PTP4A1: variants seen among roughly 807,000 people sequenced by gnomAD.
The protein encoded by PTP4A1 is protein tyrosine phosphatase 4A1, also known as protein tyrosine phosphatase type IVA 1.
Under a neutral mutation model 20.5 loss-of-function variants are expected in PTP4A1, and 9 were observed. The ratio of observed to expected loss-of-function variants is 0.44; its 90% CI spans 0.26 to 0.77. The LOEUF (loss-of-function observed/expected upper bound fraction) is 0.77, where lower values mean the gene tolerates loss of function less well. Ranked by LOEUF, PTP4A1 falls within the 30% of genes least tolerant of loss-of-function variation. The probability of loss-of-function intolerance (pLI) is 0.19; values close to 1 mark genes in which losing one functional copy is unlikely to be tolerated. For missense variants in PTP4A1, 137 were observed against 218.8 expected (o/e 0.63, Z 2.36); for synonymous variants, 78 against 67.4 (o/e 1.16, Z -0.77).
chr6:63,518,129 G>C (rs1049424834), upstream of PTP4A1, among the ~76,000 whole-genome samples: 5 of 149,372 alleles, frequency 3.3e-5, no homozygotes, highest in African/African-American at 1.2e-4. Flanking sequence ...ACTCCAGCCT[G>C]GGCAACACAG....
intron 3 of PTP4A1, among the ~76,000 whole-genome samples, chr6:63,562,075 A>G (rs543932920): frequency 1.1e-4 from 16 of 152,190 alleles, no homozygotes; most frequent in African/African-American, 3.9e-4. Flanking sequence ...ACACCCATAA[A>G]GTATTTAAAT....
intron 3 of PTP4A1, among the ~76,000 whole-genome samples, chr6:63,551,886 G>A (rs1395142417): frequency 6.6e-6 from 1 of 152,060 alleles, no homozygotes; most frequent in Non-Finnish European, 1.5e-5. Flanking sequence ...CATTTTTTAT[G>A]GCTGCATAGT....
At chr6:63,564,919 A>G (rs963705841) in intron 3 of PTP4A1, among the ~76,000 whole-genome samples, 8 of 152,250 alleles carry the variant, frequency 5.3e-5, no homozygotes, top group Non-Finnish European at 1.2e-4. Flanking sequence ...TAGATTCATA[A>G]TAAGTCCTTT....
At chr6:63,532,584 C>T (rs1562113884) in intron 2 of PTP4A1, among the ~76,000 whole-genome samples, 1 of 152,134 alleles carries the variant, frequency 6.6e-6, no homozygotes, top group Non-Finnish European at 1.5e-5. Flanking sequence ...AAAAAATCTC[C>T]CCATTCACTA....
At chr6:63,540,139 G>C (rs1252849382) in intron 2 of PTP4A1, among the ~76,000 whole-genome samples, 3 of 152,178 alleles carry the variant, frequency 2.0e-5, no homozygotes, top group Admixed American at 2.0e-4. Context: ...AAGGAGACAA[G>C]TTTGAGGATG....
At chr6:63,551,551 T>C (rs1233901649) in intron 3 of PTP4A1, among the ~76,000 whole-genome samples, 2 of 152,236 alleles carry the variant, frequency 1.3e-5, no homozygotes, top group African/African-American at 4.8e-5. Context: ...TTTTTTTTAA[T>C]TATACTTTAA....
chr6:63,560,975 C>CT (rs1388574099), intron 3 of PTP4A1, among the ~76,000 whole-genome samples: 1 of 152,152 alleles, frequency 6.6e-6, no homozygotes. Context: ...TTTTACTAAA[C>CT]TCATGGAAGG....
Position 63,579,175 on chromosome 6 carries a change from T to C in PTP4A1, c.330-82T>C, listed in dbSNP as rs116575463. 121 of 1,451,450 alleles carry C rather than the reference T, an allele frequency of 8.3e-5. No homozygotes were observed. The African/African-American group carries it at 1.5e-3, about 18-fold the overall frequency. The allele number at this position is 1,451,450 out of a possible 1,614,324, so 89.9% of individuals were successfully genotyped here. A position where few individuals can be genotyped will look rare whatever the true frequency, so the allele number is the denominator to read the frequency against. ...TAGGAAGGGTGGTAGATAATACTTC[T>C]GAGTTGGGGAATGTTTGGAGAAATA... On this transcript the variant is annotated intron_variant, in intron 4 of 5. Transcript: ENST00000626021.
intron 1 of PTP4A1, 103 bp downstream of exon 1, chr6:63,572,822 C>T (rs1172978584): frequency 1.3e-5 from 5 of 396,008 alleles, no homozygotes; most frequent in Non-Finnish European, 1.8e-5. Flanking sequence ...CTCCAGGTTG[C>T]CCCGGGTTGC....
intron 5 of PTP4A1, 138 bp downstream of exon 5, chr6:63,579,469 T>TA (rs1199396035): frequency 3.4e-6 from 2 of 583,424 alleles, no homozygotes; most frequent in African/African-American, 2.0e-5. Context: ...ATCAAGATCT[T>TA]ACATTCTTTT....
intron 2 of PTP4A1, among the ~76,000 whole-genome samples, chr6:63,577,554 A>G (rs1474831503): frequency 6.6e-6 from 1 of 152,036 alleles, no homozygotes; most frequent in Non-Finnish European, 1.5e-5. Context: ...CATAATGGAA[A>G]TACTTTTTTT....
upstream of PTP4A1, among the ~76,000 whole-genome samples, chr6:63,518,326 T>G (rs549632685): frequency 2.0e-4 from 30 of 152,302 alleles, no homozygotes; most frequent in African/African-American, 6.7e-4. Flanking sequence ...TTACTTTTCT[T>G]GTTACTTGTA....
chr6:63,566,129 T>G (rs1777180710), intron 3 of PTP4A1, among the ~76,000 whole-genome samples: 1 of 152,138 alleles, frequency 6.6e-6, no homozygotes, highest in Non-Finnish European at 1.5e-5. Flanking sequence ...ATAGCTGGAG[T>G]TGCCTTAAAA....
chr6:63,531,939 T>C (rs13200519), intron 2 of PTP4A1, among the ~76,000 whole-genome samples: 39,326 of 151,966 alleles, frequency 0.26, 6,007 homozygotes, highest in Admixed American at 0.34. Flanking sequence ...TAGCTGGAAT[T>C]ACAGGCATCC....
chr6:63,553,679 T>C (rs1056454680), intron 3 of PTP4A1, among the ~76,000 whole-genome samples: 1 of 152,122 alleles, frequency 6.6e-6, no homozygotes, highest in African/African-American at 2.4e-5. Context: ...ACTGATTAGG[T>C]TGGGGGAATT....
intron 2 of PTP4A1, among the ~76,000 whole-genome samples, chr6:63,547,185 GA>G (rs1462802391): frequency 4.0e-5 from 6 of 150,172 alleles, no homozygotes; most frequent in Non-Finnish European, 1.5e-5. Context: ...TAGTAGGGGG[GA>G]ATTTTTTTTT....
chr6:63,531,177 A>G (rs184484409), intron 2 of PTP4A1, among the ~76,000 whole-genome samples: 3 of 152,174 alleles, frequency 2.0e-5, no homozygotes, highest in African/African-American at 7.2e-5. Context: ...AGATAACTGC[A>G]AGCAATGAGG....
rs367816103 is a variant in PTP4A1, at chr6:63,530,756, T to C, written c.-640+2672T>C. Among the ~76,000 whole-genome samples, 16 of 152,102 alleles carry C rather than the reference T, an allele frequency of 1.1e-4. No homozygotes were observed. The East Asian group carries it at 2.1e-3, about 20-fold the overall frequency. ...ATTTCTAGAGGCATACCTGAATTCA[T>C]TTTTTCTTATTCCTAGTCTTCTGTA... is the stretch of plus-strand genomic sequence containing the variant. On this transcript the variant is annotated intron_variant, in intron 2 of 3. Coordinates refer to the PTP4A1 transcript ENST00000639568.
chr6:63,579,996 C>T (rs1778121217), intron 5 of PTP4A1, 61 bp from the exon 6 acceptor site: 2 of 1,226,892 alleles, frequency 1.6e-6, no homozygotes, highest in African/African-American at 1.5e-5. Flanking sequence ...GTCTATAAGA[C>T]ACTAAATATT....
Sources: gnomAD v4.1 joint callset for allele counts (sites outside exome capture counted in the v4.1 genomes callset) on GRCh38, gnomAD v4.1.1 for gene constraint, MANE v1.5 for transcripts, NCBI Gene and HGNC (gene_info 2026-07-23, HGNC 2026-07-21) for gene names.